INSR: variants seen among roughly 807,000 people sequenced by gnomAD.
INSR encodes IR.
INSR carries 67 observed loss-of-function variants against 142.6 expected under a neutral mutation model. That is an observed-to-expected ratio of 0.47 (90% CI 0.39 to 0.58). The LOEUF is 0.58. INSR is among the 20% of genes least tolerant of loss of function. The probability of loss-of-function intolerance (pLI) is 0.00; values close to 1 mark genes in which losing one functional copy is unlikely to be tolerated. For synonymous variants in INSR, 756 were observed against 743.1 expected (o/e 1.02, Z -0.28); for missense variants, 1,248 against 1,833.2 (o/e 0.68, Z 5.83).
At chr19:7,144,909 T>G (rs1183963275) in intron 11 of INSR, among the ~76,000 whole-genome samples, 1 of 152,102 alleles carries the variant, frequency 6.6e-6, no homozygotes, top group Admixed American at 6.6e-5. Flanking sequence ...TGAGACTGCA[T>G]TCCAGGACAA....
intron 9 of INSR, among the ~76,000 whole-genome samples, chr19:7,153,405 C>T (rs529881361): frequency 1.8e-4 from 3 of 16,456 alleles, no homozygotes; most frequent in Admixed American, 7.6e-4. Flanking sequence ...ACACCACATA[C>T]ACACTTCACA....
rs1972341429 is a variant in INSR at position 7,116,869 on chromosome 19, C to G, written c.*187G>C. ...TGCCCTCCAGGTTCACAGTTAAATC[C>G]TCTGCAGGACTAGTTAAATTGGTAA... On this transcript the variant is annotated 3_prime_UTR_variant, in exon 22 of 22. Coordinates refer to ENST00000302850, the MANE Select transcript of INSR (RefSeq NM_000208.4). 1.7e-6 allele frequency: 1 copy of G among 605,108 alleles called. No homozygotes were observed. The highest frequency in any genetic ancestry group is 2.8e-5 in the Admixed American group (1 of 35,482). 37.5% of individuals were successfully genotyped at this position (605,108 alleles called of 1,614,324 possible).
chr19:7,267,167 A>G lies in INSR; in HGVS notation c.652+178T>C, dbSNP rs144683324. ...CCATATGGCCTGCAAAATCTGAAGTATCTACTATCTGAGTCTTTACAGAAA... is the reference window on the plus strand; with the variant it reads ...CCATATGGCCTGCAAAATCTGAAGTGTCTACTATCTGAGTCTTTACAGAAA... On this transcript the variant is annotated intron_variant, in intron 2 of 21. Transcript: ENST00000302850. This position sits in a 1 kb window ranked among gnomAD's most constrained non-coding sequence, Gnocchi z 6.3. Among the ~76,000 whole-genome samples the G allele has an allele frequency of 3.3e-5, 5 of 152,304 alleles. No homozygotes were observed. The highest frequency in any genetic ancestry group is 1.2e-4 in the African/African-American group (5 of 41,580).
chr19:7,231,219 G>A (rs556197291), intron 2 of INSR, among the ~76,000 whole-genome samples: 10 of 152,262 alleles, frequency 6.6e-5, no homozygotes, highest in South Asian at 2.1e-4. Context: ...AATTAATTTC[G>A]GATCCTGAAT....
rs148195245 is a variant in INSR at position 7,176,375 on chromosome 19, C to T, written c.975-1644G>A. Among the ~76,000 whole-genome samples the T allele has an allele frequency of 6.6e-4, 100 of 152,282 alleles. No individual in the cohort carries two copies. In the East Asian group the frequency reaches 0.016, roughly 24 times the overall value. ...CGGCACTTTGGGAGGCCAAGGCGAG[C>T]GGATCACTTCAGGCCAGGAGTTCGA... On this transcript the variant is annotated intron_variant, in intron 3 of 21. Transcript: ENST00000302850.
At position 7,245,215 on chromosome 19, in the gene INSR, C is replaced by T. The variant is rs538328854; in HGVS notation, c.652+22130G>A. Among the ~76,000 whole-genome samples the T allele has an allele frequency of 3.3e-5, 5 of 152,130 alleles. No homozygotes were observed. In the East Asian group the frequency reaches 7.8e-4, roughly 24 times the overall value. On this transcript the variant is annotated intron_variant, in intron 2 of 21. Coordinates refer to ENST00000302850, the MANE Select transcript of INSR (RefSeq NM_000208.4). The stretch of plus-strand genomic sequence containing the variant: ...CCTCCCCAAGTGCTGGGATTACAGG[C>T]GTGAGCCACCGCGCCCAGCCCTCAA...
chr19:7,117,060 G>A lies in INSR; in HGVS notation c.4145C>T (p.Ser1382Phe), dbSNP rs752575531. The change falls in exon 22 of 22, where the codon TCC (serine) becomes TTC (phenylalanine). Residue 1382 changes from serine (S) to phenylalanine (F), a missense_variant. Coordinates refer to ENST00000302850, the MANE Select transcript of INSR (RefSeq NM_000208.4). ...CCCCCGCCACGGTAGGCACTGTTAG[G>A]AAGGATTGGACCGAGGCAAGGTCAG... ...RILTLPRSNP[S>F] is the part of the protein sequence containing the mutation. 3 of 1,613,522 alleles carry A rather than the reference G, an allele frequency of 1.9e-6. No individual in the cohort carries two copies. The highest frequency in any genetic ancestry group is 2.7e-5 in the African/African-American group (2 of 74,884).
At chr19:7,207,948 G>GGGAGGGAGGGAA (rs1975159810) in intron 2 of INSR, among the ~76,000 whole-genome samples, 1 of 124,102 alleles carries the variant, frequency 8.1e-6, no homozygotes. Context: ...AAGGGAAGGA[G>GGGAGGGAGGGAA]GGAGGGAGGG....
chr19:7,174,110 C>A (rs1269342366), intron 4 of INSR, among the ~76,000 whole-genome samples: 2 of 150,968 alleles, frequency 1.3e-5, no homozygotes, highest in Non-Finnish European at 3.0e-5. Context: ...TAGTGAGAAC[C>A]TGGCCCTGGA....
intron 13 of INSR, among the ~76,000 whole-genome samples, chr19:7,141,063 G>A (rs1171741358): frequency 6.6e-6 from 1 of 152,136 alleles, no homozygotes; most frequent in Non-Finnish European, 1.5e-5. Context: ...CTGTTTTTGA[G>A]ACAGAGTCTC....
intron 2 of INSR, among the ~76,000 whole-genome samples, chr19:7,244,299 G>T: frequency 6.6e-6 from 1 of 152,286 alleles, no homozygotes; most frequent in East Asian, 1.9e-4. Context: ...TTGGGAGGCC[G>T]AAGTGGGCAG....
In INSR at chr19:7,124,134, C is replaced by T. The variant is rs530264597; in HGVS notation, c.3259-1145G>A. 1.6e-4 allele frequency among the ~76,000 whole-genome samples: 25 copies of T among 151,746 alleles called. No individual in the cohort carries two copies. In the East Asian group the frequency reaches 2.0e-3, roughly 12 times the overall value. On this transcript the variant is annotated intron_variant, in intron 17 of 21. Coordinates refer to ENST00000302850, the MANE Select transcript of INSR (RefSeq NM_000208.4). The stretch of plus-strand genomic sequence containing the variant: ...ATCCCAGCACTTTGGGAGGCCAAGG[C>T]GGGTGGATCACGAGGTCAGGAGTTC...
intron 11 of INSR, among the ~76,000 whole-genome samples, chr19:7,148,455 T>G (rs865927073): frequency 2.0e-5 from 3 of 149,110 alleles, no homozygotes; most frequent in Non-Finnish European, 3.0e-5. Context: ...TTTATTATTA[T>G]TATTAGTATT....
At chr19:7,291,916 C>T (rs985435508) in intron 1 of INSR, among the ~76,000 whole-genome samples, 7 of 152,116 alleles carry the variant, frequency 4.6e-5, no homozygotes, top group Non-Finnish European at 8.8e-5. Context: ...CCTCAGCCTC[C>T]GGAATAGCTG....
At chr19:7,227,849 A>G (rs532226322) in intron 2 of INSR, among the ~76,000 whole-genome samples, 11 of 152,244 alleles carry the variant, frequency 7.2e-5, no homozygotes, top group Non-Finnish European at 1.0e-4. Flanking sequence ...TGTATCCTCA[A>G]TGGTTAACAT....
intron 2 of INSR, among the ~76,000 whole-genome samples, chr19:7,266,547 G>A (rs1156793893): frequency 2.0e-5 from 3 of 152,012 alleles, no homozygotes; most frequent in African/African-American, 7.2e-5. Flanking sequence ...CGCCACGCCC[G>A]GCTAATTTTG....
At chr19:7,258,256 A>G (rs1976955444) in intron 2 of INSR, among the ~76,000 whole-genome samples, 1 of 152,080 alleles carries the variant, frequency 6.6e-6, no homozygotes, top group South Asian at 2.1e-4. Flanking sequence ...GCAACATAGC[A>G]AGACCCCATC....
At chr19:7,236,638 C>T (rs1976166251) in intron 2 of INSR, among the ~76,000 whole-genome samples, 1 of 152,186 alleles carries the variant, frequency 6.6e-6, no homozygotes, top group African/African-American at 2.4e-5. Flanking sequence ...CTTAGTCTCA[C>T]TCTTATCCTA....
At chr19:7,266,712 G>A (rs1967743603) in intron 2 of INSR, among the ~76,000 whole-genome samples, 1 of 151,992 alleles carries the variant, frequency 6.6e-6, no homozygotes, top group Non-Finnish European at 1.5e-5. Flanking sequence ...CCCAATAACA[G>A]GAATGGTTAA....
Sources: gnomAD v4.1 joint callset for allele counts (sites outside exome capture counted in the v4.1 genomes callset) on GRCh38, gnomAD v4.1.1 for gene constraint, Gnocchi (gnomAD v3.1) non-coding constraint, MANE v1.5 for transcripts, NCBI Gene and HGNC (gene_info 2026-07-23, HGNC 2026-07-21) for gene names.